Variants in ABCG2 observed in about 807,000 individuals in gnomAD.
The protein encoded by ABCG2 is ATP binding cassette subfamily G member 2 (JR blood group).
In ABCG2, 80 loss-of-function variants were observed where a neutral mutation model predicts 73.5. That is an observed-to-expected ratio of 1.09 (90% CI 0.91 to 1.31). The LOEUF (loss-of-function observed/expected upper bound fraction) is 1.31, where lower values mean the gene tolerates loss of function less well. ABCG2 is among the 50% of genes most tolerant of loss of function. The pLI, the probability that ABCG2 is intolerant of heterozygous loss-of-function variation, is 0.00. For synonymous variants in ABCG2, 269 were observed against 282.4 expected, an observed-to-expected ratio of 0.95 and a Z score of 0.48; for missense variants, 796 against 786.2, an observed-to-expected ratio of 1.01 and a Z score of -0.15.
At chr4:88,221,612 C>G (rs1171525950) in intron 1 of ABCG2, among the ~76,000 whole-genome samples, 1 of 152,096 alleles carries the variant, frequency 6.6e-6, no homozygotes, top group East Asian at 1.9e-4. Flanking sequence ...AAAGTGCAGG[C>G]TGAGGTGGTC....
chr4:88,194,346 A>C (rs945623561), intron 1 of ABCG2, among the ~76,000 whole-genome samples: 5 of 151,810 alleles, frequency 3.3e-5, no homozygotes, highest in Non-Finnish European at 2.9e-5. Context: ...GTCAGGAGAT[A>C]AAGACCATCC....
chr4:88,104,654 A>G (rs562738603), intron 10 of ABCG2, among the ~76,000 whole-genome samples: 1 of 55,578 alleles, frequency 1.8e-5, no homozygotes, highest in African/African-American at 3.4e-5. Context: ...TGTACCCTAG[A>G]GCTTTGGGGG....
intron 1 of ABCG2, among the ~76,000 whole-genome samples, chr4:88,151,554 C>T (rs1054003250): frequency 1.2e-4 from 18 of 152,082 alleles, no homozygotes; most frequent in African/African-American, 1.7e-4. Context: ...CTGGCTAACA[C>T]GGTGAAACCC....
rs546001614 is a variant in ABCG2, at chr4:88,122,731, C to G, written c.532-939G>C. Among the ~76,000 whole-genome samples the G allele has an allele frequency of 1.5e-4, 23 of 152,314 alleles. No individual in the cohort carries two copies. The East Asian group carries it at 4.4e-3, about 29-fold the overall frequency. On this transcript the variant is annotated intron_variant, in intron 5 of 15. Transcript: ENST00000237612. Reference sequence around the variant, plus strand: ...AGCTGAGGTAAGGGGAGGCTGTGGGCACAGCTTCAGCAGACTTAAACGTTC... The same window carrying G: ...AGCTGAGGTAAGGGGAGGCTGTGGGGACAGCTTCAGCAGACTTAAACGTTC...
Position 88,113,565 on chromosome 4 carries a change from G to A in ABCG2, c.944-12C>T. Reference sequence around the variant, plus strand: ...TATGATCTCTGTGGCTTTGCAATCAGTGGATAAAAAGGAAACACAAACAAG... The same window carrying A: ...TATGATCTCTGTGGCTTTGCAATCAATGGATAAAAAGGAAACACAAACAAG... On this transcript the variant is annotated splice_polypyrimidine_tract_variant and intron_variant, in intron 8 of 15. Coordinates refer to ENST00000237612, the MANE Select transcript of ABCG2 (RefSeq NM_004827.3). The A allele has an allele frequency of 1.2e-6, 2 of 1,605,602 alleles. No homozygotes were observed. Among genetic ancestry groups the A allele is most frequent in the Non-Finnish European group, 1.7e-6 (2 of 1,175,700 alleles).
At chr4:88,220,014 T>G (rs1729958900) in intron 1 of ABCG2, among the ~76,000 whole-genome samples, 1 of 152,206 alleles carries the variant, frequency 6.6e-6, no homozygotes. Context: ...CACCCTGTCC[T>G]CAGTGGCAAC....
At chr4:88,214,247 A>G (rs1377579810) in intron 1 of ABCG2, among the ~76,000 whole-genome samples, 1 of 151,878 alleles carries the variant, frequency 6.6e-6, no homozygotes, top group African/African-American at 2.4e-5. Flanking sequence ...CAGCTTCCCA[A>G]AGTGCTGGGA....
chr4:88,204,293 C>T (rs1578276550), intron 1 of ABCG2, among the ~76,000 whole-genome samples: 3 of 152,112 alleles, frequency 2.0e-5, no homozygotes, highest in Admixed American at 6.5e-5. Flanking sequence ...TGGTGACAGG[C>T]GCCTGTAGTC....
chr4:88,129,040 G>A (rs1724644994), intron 5 of ABCG2, among the ~76,000 whole-genome samples: 1 of 152,118 alleles, frequency 6.6e-6, no homozygotes, highest in Non-Finnish European at 1.5e-5. Context: ...TCTAAAAAGG[G>A]AGATAAAGTC....
intron 1 of ABCG2, among the ~76,000 whole-genome samples, chr4:88,142,085 G>A (rs1273012322): frequency 7.6e-6 from 1 of 132,168 alleles, no homozygotes; most frequent in Non-Finnish European, 1.6e-5. Flanking sequence ...TACCATGAAA[G>A]GGGGAAAAAA....
At chr4:88,202,799 C>T (rs941890900) in intron 1 of ABCG2, among the ~76,000 whole-genome samples, 2 of 152,026 alleles carry the variant, frequency 1.3e-5, no homozygotes, top group Non-Finnish European at 2.9e-5. Context: ...TTGGAGGTTA[C>T]GGTGAGCCTT....
chr4:88,092,222 T>C lies in ABCG2; in HGVS notation c.*12A>G, dbSNP rs374778497. 4.4e-6 allele frequency: 7 copies of C among 1,595,488 alleles called. No individual in the cohort carries two copies. Among genetic ancestry groups the C allele is most frequent in the Non-Finnish European group, 5.1e-6 (6 of 1,167,460 alleles). ...TTATGTGAGGATAAATCATACTGAA[T>C]TAAGGGGAAATTTAAGAATATTTTT... On this transcript the variant is annotated 3_prime_UTR_variant, in exon 16 of 16. Coordinates refer to ENST00000237612, the MANE Select transcript of ABCG2 (RefSeq NM_004827.3).
chr4:88,221,013 A>G (rs1020587769), intron 1 of ABCG2, among the ~76,000 whole-genome samples: 1 of 152,170 alleles, frequency 6.6e-6, no homozygotes, highest in African/African-American at 2.4e-5. Context: ...TCAAGCCTGT[A>G]ATCCAAGCAC....
intron 1 of ABCG2, among the ~76,000 whole-genome samples, chr4:88,211,009 C>A (rs142414782): frequency 1.3e-5 from 2 of 151,728 alleles, no homozygotes; most frequent in Non-Finnish European, 2.9e-5. Context: ...GCCAGGAACT[C>A]GAGGCTGTAG....
At chr4:88,212,639 T>C (rs1053542417) in intron 1 of ABCG2, among the ~76,000 whole-genome samples, 3 of 152,070 alleles carry the variant, frequency 2.0e-5, no homozygotes, top group Admixed American at 6.5e-5. Flanking sequence ...CTAAAACCCA[T>C]TAATTACACC....
chr4:88,196,949 T>C (rs186334025), intron 1 of ABCG2, among the ~76,000 whole-genome samples: 11 of 152,182 alleles, frequency 7.2e-5, no homozygotes, highest in African/African-American at 2.4e-4. Flanking sequence ...TTAAATGACC[T>C]TGGTGAAGGG....
chr4:88,226,418 G>A (rs532943977), intron 1 of ABCG2, among the ~76,000 whole-genome samples: 65 of 152,266 alleles, frequency 4.3e-4, no homozygotes, highest in Non-Finnish European at 7.5e-4. Flanking sequence ...ACCTACAACC[G>A]AAAAGAACAT....
At chr4:88,182,500 C>T (rs1231146893) in intron 1 of ABCG2, among the ~76,000 whole-genome samples, 2 of 152,094 alleles carry the variant, frequency 1.3e-5, no homozygotes, top group East Asian at 3.8e-4. Flanking sequence ...TATGTTAGGC[C>T]ACAAAGCAAG....
rs772045758 is a variant in ABCG2 at position 88,107,186 on chromosome 4, G to A, written c.1275C>T (p.Asn425=). The A allele has an allele frequency of 1.9e-6, 3 of 1,608,800 alleles. No homozygotes were observed. Among genetic ancestry groups the A allele is most frequent in the Non-Finnish European group, 2.6e-6 (3 of 1,176,136 alleles). Reference sequence around the variant, plus strand: ...AATCAAGATCCAAATTTACTTACCTGTTCTGGATTCCAGTAGAATCATTTT... The same window carrying A: ...AATCAAGATCCAAATTTACTTACCTATTCTGGATTCCAGTAGAATCATTTT... ...GLKNDSTGIQ[N]RAGVLFFLTT... is the part of the protein sequence containing the mutation. The change falls in exon 10 of 16, where the codon AAC becomes AAT. Residue 425 remains asparagine, a splice_region_variant and synonymous_variant. Transcript: ENST00000237612.
Sources: allele counts gnomAD v4.1 joint callset (sites outside exome capture counted in the v4.1 genomes callset), GRCh38; gene constraint gnomAD v4.1.1; transcripts MANE v1.5; gene names NCBI Gene and HGNC (gene_info 2026-07-23, HGNC 2026-07-21).